PCBP3: variants seen among roughly 807,000 people sequenced by gnomAD.
The protein encoded by PCBP3 is poly(rC) binding protein 3.
Under a neutral mutation model 52.7 loss-of-function variants are expected in PCBP3, and 25 were observed. The ratio of observed to expected loss-of-function variants is 0.47; its 90% CI spans 0.35 to 0.66. The LOEUF is 0.66. Among genes scored for constraint, PCBP3 ranks in the 30% least tolerant of loss-of-function variants. PCBP3 has a pLI of 0.01. For missense variants in PCBP3, 391 were observed against 490.3 expected, an observed-to-expected ratio of 0.80 and a Z score of 1.91; for synonymous variants, 162 against 183.0, an observed-to-expected ratio of 0.89 and a Z score of 0.93.
chr21:45,851,410 G>A (rs1386958556), intron 5 of PCBP3, among the ~76,000 whole-genome samples: 1 of 152,200 alleles, frequency 6.6e-6, no homozygotes, highest in Non-Finnish European at 1.5e-5. Flanking sequence ...TACTCGGGAG[G>A]CTGAGGCAGG....
chr21:45,819,251 T>C (rs2093056144), intron 4 of PCBP3, among the ~76,000 whole-genome samples: 1 of 152,082 alleles, frequency 6.6e-6, no homozygotes, highest in African/African-American at 2.4e-5. Flanking sequence ...GATGGGGGTA[T>C]ATAGGAAATC....
intron 4 of PCBP3, among the ~76,000 whole-genome samples, chr21:45,808,393 C>G (rs1350601005): frequency 1.3e-5 from 2 of 152,182 alleles, no homozygotes; most frequent in East Asian, 3.8e-4. Flanking sequence ...TATGAACAGT[C>G]ACTTCTCAAA....
chr21:45,887,912 G>A (rs1268956612), intron 5 of PCBP3, among the ~76,000 whole-genome samples: 2 of 152,206 alleles, frequency 1.3e-5, no homozygotes, highest in Admixed American at 6.5e-5. Context: ...GAAGAGAGAC[G>A]AGCCAGACTC....
At chr21:45,700,568 G>A (rs1458782908) in intron 2 of PCBP3, among the ~76,000 whole-genome samples, 4 of 152,094 alleles carry the variant, frequency 2.6e-5, no homozygotes, top group Admixed American at 6.6e-5. Context: ...CAAGGTGCCC[G>A]CCCAGCAACA....
chr21:45,757,368 T>C (rs1037448228), intron 4 of PCBP3, among the ~76,000 whole-genome samples: 4 of 152,232 alleles, frequency 2.6e-5, no homozygotes, highest in Non-Finnish European at 2.9e-5. Flanking sequence ...TACTTTTAAA[T>C]TGTTTGTTCT....
chr21:45,714,699 A>G (rs1285805845), intron 2 of PCBP3, among the ~76,000 whole-genome samples: 1 of 152,256 alleles, frequency 6.6e-6, no homozygotes, highest in South Asian at 2.1e-4. Flanking sequence ...AATGTGAATT[A>G]AAACAGTGAG....
intron 4 of PCBP3, among the ~76,000 whole-genome samples, chr21:45,839,501 A>G (rs2093655009): frequency 6.6e-6 from 1 of 152,158 alleles, no homozygotes; most frequent in African/African-American, 2.4e-5. Flanking sequence ...TCAGAAAAAT[A>G]TTTCCTGTGT....
rs1232971532 is a variant in PCBP3 at position 45,805,150 on chromosome 21, A to G, written c.-125-44811A>G. Among the ~76,000 whole-genome samples the G allele has an allele frequency of 1.3e-5, 2 of 152,094 alleles. No homozygotes were observed. Among genetic ancestry groups the G allele is most frequent in the Non-Finnish European group, 2.9e-5 (2 of 67,996 alleles). ...TCATCTTGGGCCATGGCTACCACAT[A>G]TGGCGCTTCCTAGCCGGGCACTATG... On this transcript the variant is annotated intron_variant, in intron 4 of 17. Coordinates refer to ENST00000681687, the MANE Select transcript of PCBP3 (RefSeq NM_001384156.1). This position sits in a 1 kb window ranked among gnomAD's most constrained non-coding sequence, Gnocchi z 4.6.
In PCBP3 at chr21:45,805,171, C is replaced by T. The variant is rs1174422056; in HGVS notation, c.-125-44790C>T. Among the ~76,000 whole-genome samples, 2 of 152,198 alleles carry T rather than the reference C, an allele frequency of 1.3e-5. No homozygotes were observed. The highest frequency in any genetic ancestry group is 4.8e-5 in the African/African-American group (2 of 41,456). On this transcript the variant is annotated intron_variant, in intron 4 of 17. Transcript: ENST00000681687. This position sits in a 1 kb window ranked among gnomAD's most constrained non-coding sequence, Gnocchi z 4.6. The stretch of plus-strand genomic sequence containing the variant: ...ACATATGGCGCTTCCTAGCCGGGCA[C>T]TATGCCACAGCCACACCCCTGTGGC...
Position 45,878,706 on chromosome 21 carries a change from C to T in PCBP3, c.11-17502C>T, listed in dbSNP as rs559464095. 9.9e-4 allele frequency among the ~76,000 whole-genome samples: 151 copies of T among 152,336 alleles called. 1 individual carries two copies. Among genetic ancestry groups the T allele is most frequent in the Non-Finnish European group, 1.6e-3 (112 of 68,030 alleles). ...CCACTGCCCGATAAAATAAAAATGT[C>T]GTGGTTCTGCATAAGATTTAAGTGA... is the stretch of plus-strand genomic sequence containing the variant. On this transcript the variant is annotated intron_variant, in intron 5 of 17. Coordinates refer to ENST00000681687, the MANE Select transcript of PCBP3 (RefSeq NM_001384156.1).
chr21:45,893,574 A>T (rs2095738377), intron 5 of PCBP3, among the ~76,000 whole-genome samples: 1 of 48,612 alleles, frequency 2.1e-5, no homozygotes. Context: ...AAGTGCAGAC[A>T]GTGGGGAGGC....
chr21:45,681,934 C>T (rs2081875813), intron 2 of PCBP3, among the ~76,000 whole-genome samples: 1 of 151,762 alleles, frequency 6.6e-6, no homozygotes, highest in Non-Finnish European at 1.5e-5. Flanking sequence ...TCTATAATAA[C>T]AGATATAATA....
intron 4 of PCBP3, among the ~76,000 whole-genome samples, chr21:45,787,829 A>G (rs1408415507): frequency 6.6e-6 from 1 of 152,228 alleles, no homozygotes; most frequent in East Asian, 1.9e-4. Flanking sequence ...CAGATTTTTA[A>G]AAAGGTATTT....
At chr21:45,923,802 C>T (rs910938238) in intron 13 of PCBP3, among the ~76,000 whole-genome samples, 5 of 151,706 alleles carry the variant, frequency 3.3e-5, no homozygotes, top group East Asian at 1.9e-4. Context: ...AAACAGCACA[C>T]GTAAGATCGG....
At chr21:45,756,939 TTTAG>T (rs2146468069) in intron 4 of PCBP3, among the ~76,000 whole-genome samples, 1 of 152,366 alleles carries the variant, frequency 6.6e-6, no homozygotes, top group African/African-American at 2.4e-5. Context: ...TTTTTGGGTA[TTTAG>T]TTTGTTTACA....
chr21:45,693,416 G>A (rs1469873382), intron 2 of PCBP3, among the ~76,000 whole-genome samples: 1 of 152,056 alleles, frequency 6.6e-6, no homozygotes, highest in African/African-American at 2.4e-5. Context: ...GTTTTTCTTG[G>A]ACCCAGAGGC....
intron 2 of PCBP3, among the ~76,000 whole-genome samples, chr21:45,674,080 A>G (rs1223487749): frequency 6.6e-6 from 1 of 152,150 alleles, no homozygotes. Context: ...TTGTAATGGA[A>G]CCATGTTTCT....
intron 1 of PCBP3, among the ~76,000 whole-genome samples, chr21:45,664,765 C>A (rs1010650546): frequency 8.2e-6 from 1 of 121,336 alleles, no homozygotes; most frequent in Non-Finnish European, 1.7e-5. Flanking sequence ...ATCCCTCCCC[C>A]CTCCCCCCCA....
chr21:45,705,493 G>GGC lies in PCBP3; in HGVS notation c.-199-29898_-199-29897dup, dbSNP rs369343852. On this transcript the variant is annotated intron_variant, in intron 2 of 17. Coordinates refer to ENST00000681687, the MANE Select transcript of PCBP3 (RefSeq NM_001384156.1). Reference sequence around the variant, plus strand: ...CTCCCTGGGGAGTCTAGCAATTGGTGGCTGTGTTTTCTCTGGGGATTCTTT... The same window carrying GGC: ...CTCCCTGGGGAGTCTAGCAATTGGTGGCGCTGTGTTTTCTCTGGGGATTCTTT... 2.6e-5 allele frequency among the ~76,000 whole-genome samples: 4 copies of GGC among 152,324 alleles called. No individual in the cohort carries two copies. In the East Asian group the frequency reaches 7.7e-4, roughly 29 times the overall value.
Sources: gnomAD v4.1 joint callset for allele counts (sites outside exome capture counted in the v4.1 genomes callset) on GRCh38, gnomAD v4.1.1 for gene constraint, Gnocchi (gnomAD v3.1) non-coding constraint, MANE v1.5 for transcripts, NCBI Gene and HGNC (gene_info 2026-07-23, HGNC 2026-07-21) for gene names.